Variants in ROBO2 observed in about 807,000 individuals in gnomAD.
ROBO2 encodes roundabout guidance receptor 2.
ROBO2 carries 53 observed loss-of-function variants against 160.8 expected under a neutral mutation model. The observed-to-expected ratio is 0.33, with a 90% confidence interval of 0.26 to 0.41. The LOEUF (loss-of-function observed/expected upper bound fraction) is 0.41. ROBO2 is among the 10% of genes least tolerant of loss of function. ROBO2 has a pLI of 1.00. For missense variants in ROBO2, 1,577 were observed against 1,722.4 expected (o/e 0.92, Z 1.49); for synonymous variants, 664 against 611.7 (o/e 1.09, Z -1.26).
At chr3:76,309,988 A>ATT (rs758057289) in intron 2 of ROBO2, among the ~76,000 whole-genome samples, 1 of 145,182 alleles carries the variant, frequency 6.9e-6, no homozygotes, top group Non-Finnish European at 1.5e-5. Flanking sequence ...TGCATGGCTA[A>ATT]TTTTTTTTTT....
intron 2 of ROBO2, among the ~76,000 whole-genome samples, chr3:77,134,376 A>G (rs1439675892): frequency 6.6e-6 from 1 of 152,214 alleles, no homozygotes; most frequent in Non-Finnish European, 1.5e-5. Flanking sequence ...ATTCTTGAAA[A>G]ATTTAAAAAC....
chr3:76,724,830 G>A (rs1040152172), intron 2 of ROBO2, among the ~76,000 whole-genome samples: 1 of 152,136 alleles, frequency 6.6e-6, no homozygotes, highest in Non-Finnish European at 1.5e-5. Context: ...TTATCCAGGT[G>A]GCCCTAAATT....
intron 2 of ROBO2, among the ~76,000 whole-genome samples, chr3:76,817,813 C>T (rs2065805730): frequency 6.7e-6 from 1 of 148,706 alleles, no homozygotes; most frequent in Non-Finnish European, 1.5e-5. Flanking sequence ...AATGCAAATG[C>T]CATTATTTCA....
chr3:76,307,496 G>A (rs989253442), intron 2 of ROBO2, among the ~76,000 whole-genome samples: 2 of 151,602 alleles, frequency 1.3e-5, no homozygotes, highest in African/African-American at 4.9e-5. Flanking sequence ...AGTAGGTGGT[G>A]AGGAATTTTA....
chr3:77,095,159 A>G (rs2070875452), intron 1 of ROBO2, among the ~76,000 whole-genome samples: 1 of 152,030 alleles, frequency 6.6e-6, no homozygotes, highest in Non-Finnish European at 1.5e-5. Flanking sequence ...TACTTTTTAT[A>G]TTTAGGTTGT....
intron 2 of ROBO2, among the ~76,000 whole-genome samples, chr3:76,058,047 G>A (rs1410622604): frequency 6.6e-6 from 1 of 152,088 alleles, no homozygotes; most frequent in Non-Finnish European, 1.5e-5. Flanking sequence ...TATTTTAGGA[G>A]GATAGTGTTA....
chr3:76,479,727 A>T (rs957080611), intron 2 of ROBO2, among the ~76,000 whole-genome samples: 1 of 152,216 alleles, frequency 6.6e-6, no homozygotes. Context: ...TTTGAAAATT[A>T]TCTCATCCAA....
intron 2 of ROBO2, among the ~76,000 whole-genome samples, chr3:76,100,286 TA>T (rs1440288577): frequency 6.6e-6 from 1 of 152,204 alleles, no homozygotes; most frequent in Non-Finnish European, 1.5e-5. Context: ...TCACCACATT[TA>T]AAAACATTAT....
At chr3:76,731,635 C>A (rs1248482913) in intron 2 of ROBO2, among the ~76,000 whole-genome samples, 1 of 152,088 alleles carries the variant, frequency 6.6e-6, no homozygotes, top group Non-Finnish European at 1.5e-5. Context: ...TTGGATCCTG[C>A]TTTTTATGAG....
rs1338676317 is a variant in ROBO2 at position 75,977,950 on chromosome 3, C to T, written c.109+40348C>T. 5.3e-5 allele frequency among the ~76,000 whole-genome samples: 8 copies of T among 151,336 alleles called. No individual in the cohort carries two copies. In the Admixed American group the frequency reaches 5.3e-4, roughly 10 times the overall value. ...CAATTTAGAGACACTATCCTAAAAC[C>T]AACTCAATGGAAAGATGTTATAATG... is the stretch of plus-strand genomic sequence containing the variant. On this transcript the variant is annotated intron_variant, in intron 2 of 26. Transcript: ENST00000487694.
intron 23 of ROBO2, 118 bp from the exon 25 acceptor site, chr3:77,634,752 A>G: frequency 1.1e-6 from 1 of 945,420 alleles, no homozygotes; most frequent in Non-Finnish European, 1.7e-6. Context: ...AATATTTGGT[A>G]TCTTCATATG....
chr3:75,940,254 A>G lies in ROBO2; in HGVS notation c.109+2652A>G, dbSNP rs538367699. 2.4e-3 allele frequency among the ~76,000 whole-genome samples: 362 copies of G among 152,318 alleles called. 1 individual carries two copies. Among genetic ancestry groups the G allele is most frequent in the African/African-American group, 8.5e-3 (353 of 41,588 alleles). ...TTAACGAGGAATGTAGATTAATATC[A>G]TAGTATATCTCAACTGTGTGCAACC... On this transcript the variant is annotated intron_variant, in intron 2 of 26. Coordinates refer to the ROBO2 transcript ENST00000487694.
chr3:75,981,436 G>A (rs1178148987), intron 2 of ROBO2, among the ~76,000 whole-genome samples: 2 of 151,208 alleles, frequency 1.3e-5, no homozygotes, highest in African/African-American at 4.8e-5. Flanking sequence ...TTAAATGTTA[G>A]TTTTTGATTA....
Position 76,894,116 on chromosome 3 carries a change from C to G in ROBO2, c.110-203898C>G, listed in dbSNP as rs2074578381. Among the ~76,000 whole-genome samples the G allele has an allele frequency of 2.6e-5, 4 of 151,958 alleles. No homozygotes were observed. In the South Asian group the frequency reaches 8.3e-4, roughly 32 times the overall value. ...TCTGTACTTTGTTATTCAGGTAGTA[C>G]TGCTTATTATCTGTGGGAGGAAAAA... is the stretch of plus-strand genomic sequence containing the variant. On this transcript the variant is annotated intron_variant, in intron 2 of 26. Transcript: ENST00000487694.
intron 2 of ROBO2, among the ~76,000 whole-genome samples, chr3:76,411,906 T>C (rs755775386): frequency 6.6e-6 from 1 of 152,186 alleles, no homozygotes; most frequent in African/African-American, 2.4e-5. Flanking sequence ...CCTCTGTCTT[T>C]TCCCTTCGCC....
At chr3:76,411,992 A>G (rs1408456802) in intron 2 of ROBO2, among the ~76,000 whole-genome samples, 1 of 152,148 alleles carries the variant, frequency 6.6e-6, no homozygotes, top group Non-Finnish European at 1.5e-5. Flanking sequence ...GCTGATGAAG[A>G]CATACCTGAG....
At chr3:76,898,239 A>G (rs900894163) in intron 2 of ROBO2, among the ~76,000 whole-genome samples, 5 of 152,142 alleles carry the variant, frequency 3.3e-5, no homozygotes, top group Admixed American at 3.3e-4. Flanking sequence ...CTTTATTTTT[A>G]AAGTGCTATT....
chr3:77,021,928 G>A (rs1039843687), intron 2 of ROBO2, among the ~76,000 whole-genome samples: 1 of 152,144 alleles, frequency 6.6e-6, no homozygotes, highest in Admixed American at 6.5e-5. Context: ...CCAGAAATAT[G>A]AGAAATACAT....
intron 2 of ROBO2, among the ~76,000 whole-genome samples, chr3:76,975,359 G>T (rs1355295213): frequency 6.6e-6 from 1 of 152,122 alleles, no homozygotes. Flanking sequence ...GTAAAAATTA[G>T]CCAGGCATGG....
Sources: allele counts gnomAD v4.1 joint callset (sites outside exome capture counted in the v4.1 genomes callset), GRCh38; gene constraint gnomAD v4.1.1; transcripts MANE v1.5; gene names NCBI Gene and HGNC (gene_info 2026-07-23, HGNC 2026-07-21).